The following MAOA variants were observed in gnomAD, a reference collection of about 807,000 sequenced individuals.
MAOA encodes the protein monoamine oxidase A.
MAOA carries 6 observed loss-of-function variants against 42.0 expected under a neutral mutation model. The ratio of observed to expected loss-of-function variants is 0.14; its 90% confidence interval spans 0.08 to 0.28. The LOEUF is 0.28. Among genes scored for constraint, MAOA ranks in the 10% least tolerant of loss-of-function variants. The probability of loss-of-function intolerance (pLI) is 1.00; values close to 1 mark genes in which losing one functional copy is unlikely to be tolerated. For missense variants in MAOA, 262 were observed against 422.3 expected (o/e 0.62, Z 3.33); for synonymous variants, 140 against 154.0 (o/e 0.91, Z 0.67).
At chrX:43,715,041 G>A (rs1486431651) in intron 5 of MAOA, among the ~76,000 whole-genome samples, 1 of 110,894 alleles carries the variant, frequency 9.0e-6, no homozygotes, top group Non-Finnish European at 1.9e-5. Flanking sequence ...GCAAGGGGTA[G>A]ATACAAAGGT....
At chrX:43,708,911 AGTGCAGTGAC>A (rs1323149511) in intron 3 of MAOA, among the ~76,000 whole-genome samples, 1 of 109,906 alleles carries the variant, frequency 9.1e-6, no homozygotes, top group African/African-American at 3.3e-5. Flanking sequence ...CTCAGGCTGG[AGTGCAGTGAC>A]GTGATCTCGG....
At chrX:43,737,219 A>G (rs2033926512) in intron 10 of MAOA, among the ~76,000 whole-genome samples, 1 of 110,840 alleles carries the variant, frequency 9.0e-6, no homozygotes, top group Non-Finnish European at 1.9e-5. Flanking sequence ...AATCTCAACA[A>G]TCATGGGATT....
chrX:43,700,573 C>A (rs1479759542), intron 3 of MAOA, among the ~76,000 whole-genome samples: 2 of 112,013 alleles, frequency 1.8e-5, no homozygotes, highest in African/African-American at 6.5e-5. Context: ...GGTCCTCTGG[C>A]CTTCAGTGAG....
intron 1 of MAOA, among the ~76,000 whole-genome samples, chrX:43,661,850 T>C (rs955733940): frequency 1.3e-4 from 15 of 111,735 alleles, no homozygotes; most frequent in Admixed American, 2.9e-4. Context: ...CTCCTCTCTA[T>C]TTTTGTCCAT....
chrX:43,731,535 T>C (rs1218539084), intron 7 of MAOA, 145 bp downstream of exon 7: 2 of 857,016 alleles, frequency 2.3e-6, no homozygotes, highest in African/African-American at 4.0e-5. Flanking sequence ...TTGGTTGACC[T>C]ACCTTGATCT....
Position 43,743,843 on chromosome X carries a change from G to T in MAOA, c.1312G>T (p.Ala438Ser). 8.5e-7 allele frequency: 1 copy of T among 1,173,351 alleles called. No individual in the cohort carries two copies. Residue 438 changes from alanine to serine, a missense_variant, in exon 13 of 15, where the codon GCC (alanine) becomes TCC (serine). Ala to Ser is a moderately conservative substitution (Grantham distance 99). Around this residue, in one of 3 missense-constraint regions of MAOA, gnomAD observed 86 missense variants for 190.3 expected, o/e 0.45. Coordinates refer to ENST00000338702, the MANE Select transcript of MAOA (RefSeq NM_000240.4). ...GATTTTCTTTGCGGGCACAGAGACT[G>T]CCACAAAGTGGAGCGGCTACATGGA... is the stretch of plus-strand genomic sequence containing the variant. ...GRIFFAGTET[A>S]TKWSGYMEGA...
chrX:43,738,322 G>A (rs1173104585), intron 10 of MAOA, among the ~76,000 whole-genome samples: 1 of 112,035 alleles, frequency 8.9e-6, no homozygotes, highest in African/African-American at 3.2e-5. Context: ...TAATTTTAAA[G>A]GGAAGAAGGG....
At chrX:43,723,139 C>G (rs1452103974) in intron 5 of MAOA, among the ~76,000 whole-genome samples, 1 of 111,391 alleles carries the variant, frequency 9.0e-6, no homozygotes, top group South Asian at 3.8e-4. Context: ...CCAGCTTTGT[C>G]CTTTTTGCTT....
chrX:43,737,588 G>T (rs1475448061), intron 10 of MAOA, among the ~76,000 whole-genome samples: 1 of 111,279 alleles, frequency 9.0e-6, no homozygotes, highest in East Asian at 2.8e-4. Context: ...TCCTCACTTG[G>T]AGGAAGGCAG....
chrX:43,702,311 G>A lies in MAOA; in HGVS notation c.306+8883G>A, dbSNP rs774667653. On this transcript the variant is annotated intron_variant, in intron 3 of 14. Transcript: ENST00000338702. The stretch of plus-strand genomic sequence containing the variant: ...GCTGGGCCACAGAGTTTTAGTAAGT[G>A]ACAGTTATTCCTACTTTAGAGATAA... Among the ~76,000 whole-genome samples the A allele has an allele frequency of 2.5e-4, 28 of 111,989 alleles. No homozygotes were observed. In the South Asian group the frequency reaches 7.8e-3, roughly 31 times the overall value.
chrX:43,696,080 C>G (rs1302950730), intron 3 of MAOA, among the ~76,000 whole-genome samples: 1 of 111,901 alleles, frequency 8.9e-6, no homozygotes, highest in Non-Finnish European at 1.9e-5. Context: ...CTGCTGCAAG[C>G]TTTAATAGAG....
At chrX:43,685,379 A>G (rs1384997965) in intron 2 of MAOA, among the ~76,000 whole-genome samples, 1 of 111,810 alleles carries the variant, frequency 8.9e-6, no homozygotes, top group African/African-American at 3.3e-5. Flanking sequence ...GTTGAGTCAC[A>G]TGGCTACCCT....
intron 5 of MAOA, among the ~76,000 whole-genome samples, chrX:43,723,120 G>A (rs141110441): frequency 0.015 from 1,718 of 111,657 alleles, 36 homozygotes; most frequent in African/African-American, 0.053. Context: ...GTCAGGTAAC[G>A]TGATGCCTCC....
intron 3 of MAOA, among the ~76,000 whole-genome samples, chrX:43,693,835 C>A (rs762731159): frequency 9.0e-6 from 1 of 110,994 alleles, no homozygotes; most frequent in Non-Finnish European, 1.9e-5. Flanking sequence ...TACAGGCAAT[C>A]CCTGAGCAAC....
intron 2 of MAOA, among the ~76,000 whole-genome samples, chrX:43,686,017 A>G (rs1179466840): frequency 8.9e-6 from 1 of 111,955 alleles, no homozygotes; most frequent in Non-Finnish European, 1.9e-5. Flanking sequence ...AATGTCCTCG[A>G]AGAAACTCCC....
At chrX:43,692,149 G>T (rs1415007457) in intron 2 of MAOA, among the ~76,000 whole-genome samples, 1 of 110,379 alleles carries the variant, frequency 9.1e-6, no homozygotes, top group Non-Finnish European at 1.9e-5. Context: ...GGTGGCAGGG[G>T]GAGTTGCTGA....
rs888187622 is a variant in MAOA at position 43,702,495 on chromosome X, A to G, written c.306+9067A>G. 1.4e-3 allele frequency among the ~76,000 whole-genome samples: 154 copies of G among 112,189 alleles called. 1 individual carries two copies. The highest frequency in any genetic ancestry group is 4.5e-3 in the African/African-American group (139 of 30,944). On this transcript the variant is annotated intron_variant, in intron 3 of 14. Coordinates refer to ENST00000338702, the MANE Select transcript of MAOA (RefSeq NM_000240.4). ...TAATAATGTCAATACCTGATATTTG[A>G]CAGTCCAGTACTATTTTCATAACAC...
chrX:43,671,340 T>TA (rs1243161344), intron 1 of MAOA, among the ~76,000 whole-genome samples: 1 of 110,864 alleles, frequency 9.0e-6, no homozygotes, highest in African/African-American at 3.3e-5. Context: ...TTCTGGACAT[T>TA]AGCCCTTTGT....
intron 1 of MAOA, among the ~76,000 whole-genome samples, chrX:43,667,110 G>A (rs1471269297): frequency 9.1e-6 from 1 of 110,143 alleles, no homozygotes. Context: ...TGCACATTGT[G>A]CACATGTACC....
Sources: allele counts gnomAD v4.1 joint callset (sites outside exome capture counted in the v4.1 genomes callset), GRCh38; gene constraint gnomAD v4.1.1; regional missense constraint gnomAD v4.1.1; transcripts MANE v1.5; gene names NCBI Gene and HGNC (gene_info 2026-07-23, HGNC 2026-07-21).